PACS2: variants seen among roughly 807,000 people sequenced by gnomAD.
PACS2 encodes phosphofurin acidic cluster sorting protein 2.
A neutral mutation model predicts 113.0 loss-of-function variants in PACS2; 36 were observed. The observed-to-expected ratio is 0.32, with a 90% CI of 0.24 to 0.42. The LOEUF is 0.42. Among genes scored for constraint, PACS2 ranks in the 10% least tolerant of loss-of-function variants. The pLI is 1.00. For missense variants in PACS2, 1,015 were observed against 1,239.5 expected (o/e 0.82, Z 2.72); for synonymous variants, 589 against 536.1 (o/e 1.10, Z -1.36).
intron 8 of PACS2, chr14:105,371,456 G>A (rs1451713571): frequency 6.6e-6 from 1 of 152,286 alleles, no homozygotes; most frequent in African/African-American, 2.4e-5. Context: ...CAACGTCACA[G>A]ACGCTGTTCA....
In PACS2 at chr14:105,366,829, G is replaced by T. The variant is rs1211598931; in HGVS notation, c.424-384G>T. On this transcript the variant is annotated intron_variant, in intron 4 of 24. Transcript: ENST00000447393. The surrounding 1 kb of genome is among the most constrained non-coding windows in gnomAD (Gnocchi z 4.3). ...CAGGGGGCCAGGATCTTCCTGGGTG[G>T]CACTGCATGGACAGCAGTCGTGCCT... Among the ~76,000 whole-genome samples the T allele has an allele frequency of 6.6e-6, 1 of 152,170 alleles. No homozygotes were observed. Among genetic ancestry groups the T allele is most frequent in the Non-Finnish European group, 1.5e-5 (1 of 68,024 alleles).
intron 1 of PACS2, among the ~76,000 whole-genome samples, chr14:105,305,982 C>T (rs1282097305): frequency 6.6e-6 from 1 of 152,248 alleles, no homozygotes; most frequent in African/African-American, 2.4e-5. Flanking sequence ...GTGGGCTTGC[C>T]CCTAGACCTG....
chr14:105,303,541 C>G (rs907432749), intron 1 of PACS2, among the ~76,000 whole-genome samples: 1 of 152,316 alleles, frequency 6.6e-6, no homozygotes. Flanking sequence ...TCGCGCCTGG[C>G]CTTTTCCTAG....
At position 105,393,262 on chromosome 14, in the gene PACS2, G is replaced by A. The variant is rs1222535909; in HGVS notation, c.2523G>A (p.Glu841=). 1 of 1,612,950 alleles carries A rather than the reference G, an allele frequency of 6.2e-7. No homozygotes were observed. The highest frequency in any genetic ancestry group is 8.5e-7 in the Non-Finnish European group (1 of 1,179,972). The change falls in exon 24 of 25, where the codon GAG becomes GAA. Residue 841 remains glutamate (E), a synonymous_variant. Coordinates refer to ENST00000447393, the MANE Select transcript of PACS2 (RefSeq NM_001100913.3). ...AGAAAGCGAAGGACAAGGACGTGGA[G>A]TCTAAGAGCCAGTGCATTGAGGGCA... ...LPKKAKDKDV[E]SKSQCIEGIS... is the part of the protein sequence containing the mutation.
intron 18 of PACS2, among the ~76,000 whole-genome samples, chr14:105,385,469 G>A (rs373687421): frequency 2.0e-5 from 3 of 152,056 alleles, no homozygotes; most frequent in Admixed American, 6.5e-5. Flanking sequence ...TGTCCCGCCC[G>A]GCGCCTCCTC....
In PACS2 at chr14:105,393,270, G is replaced by T. The variant is rs2081423446; in HGVS notation, c.2531G>T (p.Ser844Ile). Residue 844 changes from serine to isoleucine, a missense_variant, in exon 24 of 25, where the codon AGC becomes ATC. Transcript: ENST00000447393. ...AAGGACAAGGACGTGGAGTCTAAGAGCCAGTGCATTGAGGGCATCAGCCGG... is the reference window on the plus strand; with the variant it reads ...AAGGACAAGGACGTGGAGTCTAAGATCCAGTGCATTGAGGGCATCAGCCGG... ...KAKDKDVESK[S>I]QCIEGISRLI... 6.2e-7 allele frequency: 1 copy of T among 1,612,880 alleles called. No homozygotes were observed. Among genetic ancestry groups the T allele is most frequent in the East Asian group, 2.2e-5 (1 of 44,880 alleles).
chr14:105,333,014 CCT>C (rs1369001541), intron 1 of PACS2, among the ~76,000 whole-genome samples: 1 of 152,122 alleles, frequency 6.6e-6, no homozygotes, highest in Admixed American at 6.5e-5. Context: ...CGTGGTTTCT[CCT>C]CTCTGTGGGA....
chr14:105,383,633 G>C (rs1461700472), intron 16 of PACS2, 120 bp downstream of exon 16: 2 of 820,800 alleles, frequency 2.4e-6, no homozygotes, highest in East Asian at 5.5e-5. Flanking sequence ...GGTGTGTCGT[G>C]GTGTGGCGCG....
At chr14:105,369,812 G>A (rs1555408896) in intron 7 of PACS2, 29 bp from the exon 8 acceptor site, 1 of 1,544,500 alleles carries the variant, frequency 6.5e-7, no homozygotes, top group Non-Finnish European at 8.7e-7. Flanking sequence ...TCTGGCGGCG[G>A]CTCTGACTCT....
At chr14:105,385,092 C>T in intron 18 of PACS2, 105 bp downstream of exon 18, 1 of 761,912 alleles carries the variant, frequency 1.3e-6, no homozygotes, top group Non-Finnish European at 2.3e-6. Context: ...GCCGCAGAGC[C>T]CTGCACCGGG....
chr14:105,326,838 TG>T (rs2059128322), intron 1 of PACS2, among the ~76,000 whole-genome samples: 1 of 152,326 alleles, frequency 6.6e-6, no homozygotes, highest in Admixed American at 6.5e-5. Flanking sequence ...TGGGAGCTGC[TG>T]TGGTGCCCTG....
rs1555405066 is a variant in PACS2, at chr14:105,355,049, C to T, written c.298-3C>T. Reference sequence around the variant, plus strand: ...CAGCTGCCACTCGCACTTGTGCCCACAGTATCCTCACTTCTTGAAGAGGGA... The same window carrying T: ...CAGCTGCCACTCGCACTTGTGCCCATAGTATCCTCACTTCTTGAAGAGGGA... On this transcript the variant is annotated splice_polypyrimidine_tract_variant and splice_region_variant and intron_variant, in intron 3 of 24. Coordinates refer to ENST00000447393, the MANE Select transcript of PACS2 (RefSeq NM_001100913.3). The surrounding 1 kb of genome is among the most constrained non-coding windows in gnomAD (Gnocchi z 4.1). 6.2e-7 allele frequency: 1 copy of T among 1,612,720 alleles called. No individual in the cohort carries two copies. Among genetic ancestry groups the T allele is most frequent in the Non-Finnish European group, 8.5e-7 (1 of 1,179,578 alleles).
chr14:105,332,265 C>T (rs1385640720), intron 1 of PACS2, among the ~76,000 whole-genome samples: 2 of 152,218 alleles, frequency 1.3e-5, no homozygotes, highest in African/African-American at 4.8e-5. Flanking sequence ...GGGAGCCCCT[C>T]CCAGCCCCTC....
intron 9 of PACS2, among the ~76,000 whole-genome samples, chr14:105,378,032 G>A (rs1472308073): frequency 2.0e-5 from 3 of 152,328 alleles, no homozygotes; most frequent in South Asian, 2.1e-4. Flanking sequence ...AACCGTCCTC[G>A]TACCCTGGCC....
chr14:105,362,291 G>A lies in PACS2; in HGVS notation c.424-4922G>A, dbSNP rs377720957. 4.4e-3 allele frequency among the ~76,000 whole-genome samples: 623 copies of A among 142,680 alleles called. 6 individuals carry two copies. Among genetic ancestry groups the A allele is most frequent in the African/African-American group, 0.013 (488 of 38,116 alleles). 93.6% of individuals were successfully genotyped at this position (142,680 alleles called of 152,430 possible). ...AAATTAGCTGGGCGTGGTGGCGGGC[G>A]CCTGTAGTCCCAGCTACTCGGGAGG... is the stretch of plus-strand genomic sequence containing the variant. On this transcript the variant is annotated intron_variant, in intron 4 of 24. Transcript: ENST00000447393.
intron 14 of PACS2, 39 bp downstream of exon 14, chr14:105,382,620 A>G (rs782036552): frequency 1.6e-6 from 2 of 1,278,104 alleles, no homozygotes; most frequent in Non-Finnish European, 2.3e-6. Flanking sequence ...GTCAGGGTGT[A>G]GGACAGAGGA....
In PACS2 at chr14:105,379,858, G is replaced by A. The variant is rs587675500; in HGVS notation, c.1050+29G>A. ...AGTGGGGCCACACTGATCTCCCAGAGCAGACCGTGGTCTGACTGGGCTGTG... is the reference window on the plus strand; with the variant it reads ...AGTGGGGCCACACTGATCTCCCAGAACAGACCGTGGTCTGACTGGGCTGTG... On this transcript the variant is annotated intron_variant, in intron 10 of 24. Coordinates refer to ENST00000447393, the MANE Select transcript of PACS2 (RefSeq NM_001100913.3). The A allele has an allele frequency of 6.9e-6, 11 of 1,588,672 alleles. No individual in the cohort carries two copies. In the South Asian group the frequency reaches 1.2e-4, roughly 18 times the overall value.
chr14:105,349,422 A>G (rs1370013208), intron 2 of PACS2, among the ~76,000 whole-genome samples: 2 of 152,140 alleles, frequency 1.3e-5, no homozygotes, highest in African/African-American at 2.4e-5. Flanking sequence ...CAGCTCCTCG[A>G]GGATGGGGCC....
At chr14:105,304,623 T>A (rs770193378) in intron 1 of PACS2, among the ~76,000 whole-genome samples, 1 of 152,154 alleles carries the variant, frequency 6.6e-6, no homozygotes, top group African/African-American at 2.4e-5. Flanking sequence ...GGTCTGAATG[T>A]GCATTGTATC....
Sources: gnomAD v4.1 joint callset for allele counts (sites outside exome capture counted in the v4.1 genomes callset) on GRCh38, gnomAD v4.1.1 for gene constraint, Gnocchi (gnomAD v3.1) non-coding constraint, MANE v1.5 for transcripts, NCBI Gene and HGNC (gene_info 2026-07-23, HGNC 2026-07-21) for gene names.